SNX7: variants seen among roughly 807,000 people sequenced by gnomAD.
The protein encoded by SNX7 is sorting nexin-7.
SNX7 carries 35 observed loss-of-function variants against 48.4 expected under a neutral mutation model. The ratio of observed to expected loss-of-function variants is 0.72; its 90% confidence interval spans 0.55 to 0.96. The LOEUF is 0.96. Among genes scored for constraint, SNX7 ranks in the 40% least tolerant of loss-of-function variants. The pLI is 0.00. For synonymous variants in SNX7, 190 were observed against 190.2 expected (o/e 1.00, Z 0.01); for missense variants, 553 against 548.9 (o/e 1.01, Z -0.07).
At chr1:98,688,714 T>A (rs74110434) in intron 2 of SNX7, among the ~76,000 whole-genome samples, 8,443 of 152,256 alleles carry the variant, frequency 0.055, 745 homozygotes, top group African/African-American at 0.18. Flanking sequence ...GCTTTTATGG[T>A]CAAACATGAA....
intron 1 of SNX7, among the ~76,000 whole-genome samples, chr1:98,670,979 G>A (rs1430658508): frequency 1.3e-5 from 2 of 152,062 alleles, no homozygotes; most frequent in African/African-American, 4.8e-5. Context: ...TTTAAACTTA[G>A]TGTACTCTAA....
At chr1:98,701,769 T>G (rs1651761506) in intron 6 of SNX7, 48 bp from the exon 7 acceptor site, 1 of 1,292,110 alleles carries the variant, frequency 7.7e-7, no homozygotes, top group Admixed American at 2.1e-5. Context: ...TAGGAAAGAT[T>G]ATTAAAACTA....
chr1:98,751,661 A>G (rs11166106), intron 8 of SNX7, among the ~76,000 whole-genome samples: 1,940 of 152,202 alleles, frequency 0.013, 53 homozygotes, highest in African/African-American at 0.044. Flanking sequence ...CATGTATAGC[A>G]TATTTATCAA....
In SNX7 at chr1:98,663,252, G is replaced by GTTTTTTTTTTTTTTTTT. The variant is rs1491348958; in HGVS notation, c.180+1341_180+1342insTTTTTTTTTTTTTTTTT. On this transcript the variant is annotated intron_variant, in intron 1 of 8. Transcript: ENST00000306121. The stretch of plus-strand genomic sequence containing the variant: ...ATCAGAATCATCAGGGTTTCTTTCT[G>GTTTTTTTTTTTTTTTTT]GTTTTTTTTTTTTTTTTTTTTTTTT... Among the ~76,000 whole-genome samples, 16 of 83,184 alleles carry GTTTTTTTTTTTTTTTTT rather than the reference G, an allele frequency of 1.9e-4. 7 individuals are homozygous for GTTTTTTTTTTTTTTTTT. Among genetic ancestry groups the GTTTTTTTTTTTTTTTTT allele is most frequent in the African/African-American group, 4.9e-4 (9 of 18,276 alleles). The allele number at this position is 83,184 out of a possible 152,430, so 54.6% of individuals were successfully genotyped here.
At chr1:98,747,978 C>CTTTT (rs372674344) in intron 8 of SNX7, among the ~76,000 whole-genome samples, 1 of 131,920 alleles carries the variant, frequency 7.6e-6, no homozygotes, top group Non-Finnish European at 1.6e-5. Flanking sequence ...CAGGTTTTTA[C>CTTTT]TTTTTTTTTT....
chr1:98,664,309 C>G (rs1474196663), intron 1 of SNX7, among the ~76,000 whole-genome samples: 4 of 152,172 alleles, frequency 2.6e-5, no homozygotes, highest in Non-Finnish European at 4.4e-5. Flanking sequence ...TAGCGGATCA[C>G]TTGAAGTCAG....
intron 1 of SNX7, among the ~76,000 whole-genome samples, chr1:98,683,293 G>A (rs1650603146): frequency 6.6e-6 from 1 of 152,018 alleles, no homozygotes; most frequent in African/African-American, 2.4e-5. Flanking sequence ...GCATGGTAGG[G>A]GCTTTGATGT....
intron 8 of SNX7, among the ~76,000 whole-genome samples, chr1:98,756,381 A>G (rs1029122008): frequency 1.0e-4 from 14 of 134,802 alleles, no homozygotes; most frequent in Admixed American, 1.5e-4. Context: ...TTGTTTATAG[A>G]TCCATATTTC....
intron 1 of SNX7, among the ~76,000 whole-genome samples, chr1:98,673,458 C>G (rs945237844): frequency 6.6e-6 from 1 of 152,144 alleles, no homozygotes; most frequent in South Asian, 2.1e-4. Context: ...TTTCCTAACA[C>G]TTATTCTTCT....
intron 7 of SNX7, 49 bp downstream of exon 7, chr1:98,701,952 A>G: frequency 7.5e-7 from 1 of 1,326,524 alleles, no homozygotes; most frequent in Non-Finnish European, 1.1e-6. Context: ...CATTGTCTAA[A>G]ATTTTTATTA....
intron 7 of SNX7, among the ~76,000 whole-genome samples, chr1:98,733,275 T>C (rs1653611071): frequency 6.6e-6 from 1 of 152,140 alleles, no homozygotes; most frequent in African/African-American, 2.4e-5. Flanking sequence ...TGCAGACTTT[T>C]CTCTCAGTGC....
intron 2 of SNX7, among the ~76,000 whole-genome samples, chr1:98,690,703 GA>G (rs1338787967): frequency 6.6e-6 from 1 of 152,010 alleles, no homozygotes; most frequent in Non-Finnish European, 1.5e-5. Context: ...ATCATCTTGA[GA>G]AAAGAAATAT....
Position 98,759,285 on chromosome 1 carries a change from T to C in SNX7, c.1279-769T>C, listed in dbSNP as rs142304408. Among the ~76,000 whole-genome samples, 11 of 152,186 alleles carry C rather than the reference T, an allele frequency of 7.2e-5. No individual in the cohort carries two copies. The East Asian group carries it at 1.4e-3, about 19-fold the overall frequency. ...TGAATATATATTAGAGTAGTTATGATTTACAAGAATCCTAAATGTGTACAG... is the reference window on the plus strand; with the variant it reads ...TGAATATATATTAGAGTAGTTATGACTTACAAGAATCCTAAATGTGTACAG... On this transcript the variant is annotated intron_variant, in intron 8 of 8. Transcript: ENST00000306121.
chr1:98,708,951 A>C (rs901086729), intron 7 of SNX7, among the ~76,000 whole-genome samples: 19 of 152,124 alleles, frequency 1.2e-4, no homozygotes, highest in African/African-American at 4.3e-4. Flanking sequence ...CCACTTCCCA[A>C]CAGAGCAGTC....
chr1:98,759,767 A>G lies in SNX7; in HGVS notation c.1279-287A>G, dbSNP rs139238289. 3.7e-3 allele frequency among the ~76,000 whole-genome samples: 565 copies of G among 152,188 alleles called. 5 individuals carry two copies. The highest frequency in any genetic ancestry group is 0.013 in the African/African-American group (526 of 41,550). Reference sequence around the variant, plus strand: ...TCCAGCTGGGTCCATCTTTGCCTCTATAACGTGAAGCTCTTATTTTTCTCT... The same window carrying G: ...TCCAGCTGGGTCCATCTTTGCCTCTGTAACGTGAAGCTCTTATTTTTCTCT... On this transcript the variant is annotated intron_variant, in intron 8 of 8. Coordinates refer to ENST00000306121, the MANE Select transcript of SNX7 (RefSeq NM_015976.5).
intron 7 of SNX7, among the ~76,000 whole-genome samples, chr1:98,719,247 A>G (rs1179808490): frequency 5.9e-5 from 9 of 152,094 alleles, no homozygotes. Context: ...AGGAAGGGAT[A>G]AAAGAGTTAG....
chr1:98,685,846 A>G (rs764498433), intron 2 of SNX7, among the ~76,000 whole-genome samples: 12 of 152,238 alleles, frequency 7.9e-5, no homozygotes, highest in Middle Eastern at 3.4e-3. Context: ...GAAGATATAT[A>G]TATCTTATTT....
chr1:98,709,317 G>A (rs944416755), intron 7 of SNX7, among the ~76,000 whole-genome samples: 1 of 152,148 alleles, frequency 6.6e-6, no homozygotes, highest in African/African-American at 2.4e-5. Flanking sequence ...CCTCCACAGT[G>A]TTAAAATAAG....
At chr1:98,744,098 T>C (rs1323921799) in intron 8 of SNX7, among the ~76,000 whole-genome samples, 1 of 152,038 alleles carries the variant, frequency 6.6e-6, no homozygotes, top group Non-Finnish European at 1.5e-5. Context: ...AGAACTGTTA[T>C]CTTAACATGA....
Sources: allele counts gnomAD v4.1 joint callset (sites outside exome capture counted in the v4.1 genomes callset), GRCh38; gene constraint gnomAD v4.1.1; transcripts MANE v1.5; gene names NCBI Gene and HGNC (gene_info 2026-07-23, HGNC 2026-07-21).